SH3RF3: variants seen among roughly 807,000 people sequenced by gnomAD.
SH3RF3 encodes E3 ubiquitin-protein ligase SH3RF3.
In SH3RF3, 29 loss-of-function variants were observed where a neutral mutation model predicts 66.3. That is an observed-to-expected ratio of 0.44 (90% CI 0.33 to 0.60). The LOEUF is 0.60. Among genes scored for constraint, SH3RF3 ranks in the 20% least tolerant of loss-of-function variants. The probability of loss-of-function intolerance (pLI) is 0.04; values close to 1 mark genes in which losing one functional copy is unlikely to be tolerated. For missense variants in SH3RF3, 1,194 were observed against 1,190.9 expected, an observed-to-expected ratio of 1.00 and a Z score of -0.04; for synonymous variants, 583 against 532.0, an observed-to-expected ratio of 1.10 and a Z score of -1.32.
At chr2:109,144,560 T>C (rs576944716) in intron 1 of SH3RF3, among the ~76,000 whole-genome samples, 93 of 152,386 alleles carry the variant, frequency 6.1e-4, no homozygotes, top group African/African-American at 1.9e-3. Flanking sequence ...GGCAATTTTA[T>C]GCTTGCAAGC....
intron 1 of SH3RF3, among the ~76,000 whole-genome samples, chr2:109,325,565 CT>C: frequency 6.6e-6 from 1 of 151,998 alleles, no homozygotes; most frequent in Non-Finnish European, 1.5e-5. Flanking sequence ...TACAACATCC[CT>C]TAATATGGCT....
intron 2 of SH3RF3, among the ~76,000 whole-genome samples, chr2:109,368,934 G>GGTCT (rs1553512528): frequency 6.6e-6 from 1 of 151,908 alleles, no homozygotes; most frequent in Non-Finnish European, 1.5e-5. Context: ...TCATGCCTTG[G>GGTCT]GCCTCTGCTG....
chr2:109,441,895 C>T (rs1677573738), intron 7 of SH3RF3, among the ~76,000 whole-genome samples: 1 of 152,102 alleles, frequency 6.6e-6, no homozygotes, highest in Non-Finnish European at 1.5e-5. Context: ...AACCAAAAAA[C>T]ATACTGAAAG....
chr2:109,275,270 G>C (rs1217415877), intron 1 of SH3RF3, among the ~76,000 whole-genome samples: 1 of 152,094 alleles, frequency 6.6e-6, no homozygotes, highest in Non-Finnish European at 1.5e-5. Context: ...ACCCTCTCTT[G>C]TGATCCAGAG....
At chr2:109,437,533 C>A (rs1216156021) in intron 7 of SH3RF3, among the ~76,000 whole-genome samples, 2 of 152,210 alleles carry the variant, frequency 1.3e-5, no homozygotes, top group African/African-American at 2.4e-5. Context: ...ATGCCTCCCC[C>A]ATGAATGATT....
Position 109,129,607 on chromosome 2 carries a change from G to A in SH3RF3, c.67G>A (p.Asp23Asn). The change falls in exon 1 of 10, where the codon GAC (aspartate) becomes AAC (asparagine). Residue 23 changes from aspartate (D) to asparagine (N), a missense_variant. Coordinates refer to ENST00000309415, the MANE Select transcript of SH3RF3 (RefSeq NM_001099289.3). ...AAAAAAQSEG[D>N]EDRPGERRRR... Reference sequence around the variant, plus strand: ...CGCCGCTGCTGCGCAGAGCGAGGGCGACGAGGACAGGCCAGGCGAGCGACG... The same window carrying A: ...CGCCGCTGCTGCGCAGAGCGAGGGCAACGAGGACAGGCCAGGCGAGCGACG... 6.8e-7 allele frequency: 1 copy of A among 1,481,370 alleles called. No individual in the cohort carries two copies. Among genetic ancestry groups the A allele is most frequent in the Non-Finnish European group, 8.9e-7 (1 of 1,125,130 alleles). 91.8% of individuals were successfully genotyped at this position (1,481,370 alleles called of 1,614,324 possible).
At position 109,194,615 on chromosome 2, in the gene SH3RF3, C is replaced by CAA. The variant is rs141670359; in HGVS notation, c.573+64503_573+64504insAA. 8.0e-3 allele frequency among the ~76,000 whole-genome samples: 1,226 copies of CAA among 152,348 alleles called. 12 individuals carry two copies. Among genetic ancestry groups the CAA allele is most frequent in the East Asian group, 0.04 (208 of 5,186 alleles). On this transcript the variant is annotated intron_variant, in intron 1 of 9. Transcript: ENST00000309415. ...GGGAGGGCAGGCACATATGCACACA[C>CAA]AGGCACTTTGTATCTTCTGCATATA...
At chr2:109,413,167 T>C (rs2104494984) in intron 4 of SH3RF3, among the ~76,000 whole-genome samples, 1 of 152,328 alleles carries the variant, frequency 6.6e-6, no homozygotes, top group Non-Finnish European at 1.5e-5. Context: ...CAGGCTGGAG[T>C]GCAGTGGCGT....
intron 1 of SH3RF3, among the ~76,000 whole-genome samples, chr2:109,328,709 C>T (rs1281047907): frequency 6.6e-6 from 1 of 152,200 alleles, no homozygotes; most frequent in African/African-American, 2.4e-5. Context: ...TCCTGGTCAT[C>T]ACTGTGTCCT....
intron 1 of SH3RF3, among the ~76,000 whole-genome samples, chr2:109,249,562 TCC>T (rs1236776482): frequency 9.3e-5 from 13 of 139,242 alleles, no homozygotes; most frequent in East Asian, 4.1e-4. Context: ...CTTCCTTCCT[TCC>T]TTCCTTCCTT....
chr2:109,307,229 T>G (rs1681617359), intron 1 of SH3RF3, among the ~76,000 whole-genome samples: 1 of 152,188 alleles, frequency 6.6e-6, no homozygotes, highest in Admixed American at 6.5e-5. Context: ...ATAATTACCT[T>G]TTTGCACATT....
intron 2 of SH3RF3, among the ~76,000 whole-genome samples, chr2:109,367,205 C>G (rs1683168686): frequency 6.7e-6 from 1 of 148,186 alleles, no homozygotes. Flanking sequence ...CTCAAGTGAT[C>G]TGCCTACTTC....
intron 1 of SH3RF3, among the ~76,000 whole-genome samples, chr2:109,196,363 C>T (rs1364394001): frequency 6.6e-6 from 1 of 152,200 alleles, no homozygotes; most frequent in Non-Finnish European, 1.5e-5. Flanking sequence ...AGGCCTGGCT[C>T]GGTCCTACCA....
chr2:109,154,544 C>T (rs1302459732), intron 1 of SH3RF3, among the ~76,000 whole-genome samples: 1 of 152,180 alleles, frequency 6.6e-6, no homozygotes, highest in Admixed American at 6.5e-5. Flanking sequence ...ACCAAGGCTC[C>T]CTAAGTTTGA....
At chr2:109,213,595 A>G (rs1297640546) in intron 1 of SH3RF3, among the ~76,000 whole-genome samples, 2 of 152,208 alleles carry the variant, frequency 1.3e-5, no homozygotes, top group African/African-American at 2.4e-5. Flanking sequence ...GGTGGACACC[A>G]GCTGTGTCCA....
intron 1 of SH3RF3, among the ~76,000 whole-genome samples, chr2:109,257,217 C>T (rs1680241716): frequency 6.6e-6 from 1 of 152,134 alleles, no homozygotes; most frequent in Admixed American, 6.5e-5. Flanking sequence ...ACGGTAAGTC[C>T]TTCTTGGAGA....
intron 2 of SH3RF3, among the ~76,000 whole-genome samples, chr2:109,360,528 A>C (rs1346397043): frequency 6.6e-6 from 1 of 152,240 alleles, no homozygotes; most frequent in Non-Finnish European, 1.5e-5. Context: ...TCCCATACCC[A>C]AGATATCTCA....
At chr2:109,461,305 C>A (rs541447457) in intron 8 of SH3RF3, among the ~76,000 whole-genome samples, 2 of 152,358 alleles carry the variant, frequency 1.3e-5, no homozygotes, top group Admixed American at 1.3e-4. Context: ...GGCCCAGTGG[C>A]AGACCAAGAA....
chr2:109,154,796 G>A (rs149090723), intron 1 of SH3RF3, among the ~76,000 whole-genome samples: 32 of 152,298 alleles, frequency 2.1e-4, no homozygotes, highest in African/African-American at 7.7e-4. Flanking sequence ...GACCTGTGGT[G>A]ACACCAACCT....
Sources: allele counts gnomAD v4.1 joint callset (sites outside exome capture counted in the v4.1 genomes callset), GRCh38; gene constraint gnomAD v4.1.1; transcripts MANE v1.5; gene names NCBI Gene and HGNC (gene_info 2026-07-23, HGNC 2026-07-21).